Variants in ERI3 observed in about 807,000 individuals in gnomAD.
ERI3 encodes ERI1 exoribonuclease family member 3, also known as ERI1 exoribonuclease 3.
In ERI3, 18 loss-of-function variants were observed where a neutral mutation model predicts 44.4. The observed-to-expected ratio is 0.41, with a 90% CI of 0.28 to 0.60. ERI3 has a LOEUF of 0.60. Among genes scored for constraint, ERI3 ranks in the 20% least tolerant of loss-of-function variants. The pLI, the probability that ERI3 is intolerant of heterozygous loss-of-function variation, is 0.36. For missense variants in ERI3, 294 were observed against 435.5 expected, an observed-to-expected ratio of 0.68 and a Z score of 2.89; for synonymous variants, 183 against 164.8, an observed-to-expected ratio of 1.11 and a Z score of -0.84.
intron 4 of ERI3, among the ~76,000 whole-genome samples, chr1:44,318,764 C>G (rs1012142697): frequency 2.6e-5 from 4 of 152,252 alleles, no homozygotes; most frequent in Non-Finnish European, 4.4e-5. Flanking sequence ...AGATAGGTCT[C>G]TAAATGAAGG....
At chr1:44,253,143 A>G (rs562281159) in intron 7 of ERI3, among the ~76,000 whole-genome samples, 1 of 152,348 alleles carries the variant, frequency 6.6e-6, no homozygotes, top group East Asian at 1.9e-4. Context: ...ATCCTGACCA[A>G]CACTTCCACA....
intron 6 of ERI3, among the ~76,000 whole-genome samples, chr1:44,306,336 G>C (rs1229261238): frequency 3.9e-5 from 6 of 152,192 alleles, no homozygotes; most frequent in African/African-American, 1.4e-4. Flanking sequence ...CTGAGCCACA[G>C]GGGTTTTTGG....
intron 6 of ERI3, among the ~76,000 whole-genome samples, chr1:44,308,072 C>T (rs1462362858): frequency 6.6e-6 from 1 of 152,208 alleles, no homozygotes; most frequent in Non-Finnish European, 1.5e-5. Context: ...CTGTCATGAG[C>T]AGTGAGACCT....
At chr1:44,227,787 A>T (rs1057294136) in intron 8 of ERI3, among the ~76,000 whole-genome samples, 1 of 151,930 alleles carries the variant, frequency 6.6e-6, no homozygotes, top group Non-Finnish European at 1.5e-5. Flanking sequence ...TTGAATCCAA[A>T]CTCCACCACT....
Position 44,328,639 on chromosome 1 carries a change from C to T in ERI3, c.490-8895G>A, listed in dbSNP as rs544566686. On this transcript the variant is annotated intron_variant, in intron 3 of 8. Transcript: ENST00000372257. The stretch of plus-strand genomic sequence containing the variant: ...TCAGTATATTCTATTTCAGTAGGGC[C>T]GGCATGACATTCTGCATTTCTAACA... Among the ~76,000 whole-genome samples the T allele has an allele frequency of 6.6e-5, 10 of 152,206 alleles. No homozygotes were observed. In the South Asian group the frequency reaches 1.9e-3, roughly 28 times the overall value.
chr1:44,309,812 C>T (rs1645915982), intron 5 of ERI3, among the ~76,000 whole-genome samples: 1 of 152,094 alleles, frequency 6.6e-6, no homozygotes, highest in African/African-American at 2.4e-5. Flanking sequence ...ATCTGCCCGC[C>T]TCGGCCTCCC....
At chr1:44,259,703 C>CACACACACACACACAG (rs1644851124) in intron 7 of ERI3, among the ~76,000 whole-genome samples, 1 of 149,642 alleles carries the variant, frequency 6.7e-6, no homozygotes, top group Non-Finnish European at 1.5e-5. Context: ...CACACACACA[C>CACACACACACACACAG]ACACACACAC....
At chr1:44,302,415 T>C (rs1413802406) in intron 6 of ERI3, among the ~76,000 whole-genome samples, 1 of 152,132 alleles carries the variant, frequency 6.6e-6, no homozygotes, top group East Asian at 1.9e-4. Flanking sequence ...TAATCAAAGG[T>C]GATGCAGCTC....
At chr1:44,264,558 A>C (rs1471239480) in intron 7 of ERI3, among the ~76,000 whole-genome samples, 2 of 152,248 alleles carry the variant, frequency 1.3e-5, no homozygotes, top group African/African-American at 4.8e-5. Context: ...CGGCGCGTGC[A>C]TAGGCAATGA....
chr1:44,233,025 C>T (rs1439488797), intron 8 of ERI3, among the ~76,000 whole-genome samples: 2 of 152,142 alleles, frequency 1.3e-5, no homozygotes, highest in African/African-American at 4.8e-5. Flanking sequence ...CCTTGTCACC[C>T]TTGCCTGGAA....
intron 8 of ERI3, among the ~76,000 whole-genome samples, chr1:44,240,309 G>A (rs894252905): frequency 6.6e-6 from 1 of 152,232 alleles, no homozygotes; most frequent in African/African-American, 2.4e-5. Flanking sequence ...GGTTCAGCCT[G>A]GCTTGGGCTG....
intron 7 of ERI3, among the ~76,000 whole-genome samples, chr1:44,265,571 T>G (rs1248135547): frequency 1.3e-5 from 2 of 150,294 alleles, no homozygotes; most frequent in African/African-American, 4.9e-5. Context: ...AAGGCAAAAA[T>G]GACAAAGTGA....
At chr1:44,308,228 T>C in intron 6 of ERI3, 82 bp downstream of exon 6, 1 of 965,478 alleles carries the variant, frequency 1.0e-6, no homozygotes. Flanking sequence ...AGCTGCCTTG[T>C]AGACATTTAA....
Position 44,241,045 on chromosome 1 carries a change from G to A in ERI3, c.931+6894C>T, listed in dbSNP as rs1644422333. Among the ~76,000 whole-genome samples, 1 of 152,152 alleles carries A rather than the reference G, an allele frequency of 6.6e-6. No homozygotes were observed. Among genetic ancestry groups the A allele is most frequent in the African/African-American group, 2.4e-5 (1 of 41,420 alleles). ...TGTGGATTGTCCCATGAGTACTGTG[G>A]GCCTGAAAGGAGGGGCTGCTGTGAA... is the stretch of plus-strand genomic sequence containing the variant. On this transcript the variant is annotated intron_variant, in intron 8 of 8. Coordinates refer to ENST00000372257, the MANE Select transcript of ERI3 (RefSeq NM_024066.3). The surrounding 1 kb of genome is among the most constrained non-coding windows in gnomAD (Gnocchi z 5.6).
At chr1:44,300,659 T>A (rs6429536) in intron 6 of ERI3, among the ~76,000 whole-genome samples, 38,457 of 152,070 alleles carry the variant, frequency 0.25, 4,952 homozygotes, top group Non-Finnish European at 0.26. Flanking sequence ...CAGGCCTGCA[T>A]CTAGGAAATG....
At chr1:44,257,962 C>G (rs1352140806) in intron 7 of ERI3, among the ~76,000 whole-genome samples, 1 of 152,172 alleles carries the variant, frequency 6.6e-6, no homozygotes, top group Non-Finnish European at 1.5e-5. Context: ...CCACCCAGGC[C>G]TAGATGGAGA....
At chr1:44,313,985 TAA>T (rs74664981) in intron 4 of ERI3, among the ~76,000 whole-genome samples, 12 of 137,818 alleles carry the variant, frequency 8.7e-5, no homozygotes, top group African/African-American at 1.3e-4. Flanking sequence ...TGGTTTAAAG[TAA>T]AAAAAAAAAA....
At chr1:44,320,631 A>G (rs1646182121) in intron 3 of ERI3, among the ~76,000 whole-genome samples, 1 of 152,198 alleles carries the variant, frequency 6.6e-6, no homozygotes, top group South Asian at 2.1e-4. Flanking sequence ...AATAAAAAAA[A>G]TTATTGCTTT....
intron 7 of ERI3, among the ~76,000 whole-genome samples, chr1:44,265,594 A>C (rs1382296160): frequency 6.6e-6 from 1 of 152,182 alleles, no homozygotes; most frequent in Non-Finnish European, 1.5e-5. Context: ...TCGCACATGA[A>C]TGTTCATAAC....
Sources: allele counts gnomAD v4.1 joint callset (sites outside exome capture counted in the v4.1 genomes callset), GRCh38; gene constraint gnomAD v4.1.1; non-coding constraint Gnocchi (gnomAD v3.1); transcripts MANE v1.5; gene names NCBI Gene and HGNC (gene_info 2026-07-23, HGNC 2026-07-21).